The following ELP4 variants were observed in gnomAD, a reference collection of about 807,000 sequenced individuals.
ELP4 encodes the protein elongator complex protein 4.
ELP4 carries 51 observed loss-of-function variants against 48.9 expected under a neutral mutation model. That is an observed-to-expected ratio of 1.04 (90% CI 0.83 to 1.32). ELP4 has a LOEUF of 1.32. ELP4 is among the 40% of genes most tolerant of loss of function. The pLI is 0.00. For missense variants in ELP4, 519 were observed against 514.6 expected, an observed-to-expected ratio of 1.01 and a Z score of -0.08; for synonymous variants, 210 against 189.2, an observed-to-expected ratio of 1.11 and a Z score of -0.90.
intron 3 of ELP4, among the ~76,000 whole-genome samples, chr11:31,562,907 A>G (rs1957044904): frequency 6.6e-6 from 1 of 152,162 alleles, no homozygotes; most frequent in Admixed American, 6.6e-5. Flanking sequence ...TTCAATGAAG[A>G]TAATACAGGG....
chr11:31,513,578 T>C (rs1378675903), intron 1 of ELP4, among the ~76,000 whole-genome samples: 1 of 152,184 alleles, frequency 6.6e-6, no homozygotes, highest in African/African-American at 2.4e-5. Context: ...TTCTTGACTT[T>C]CATTTCTTTT....
intron 3 of ELP4, 33 bp from the exon 4 acceptor site, chr11:31,594,737 G>A (rs1957644045): frequency 7.0e-7 from 1 of 1,427,934 alleles, no homozygotes. Flanking sequence ...TTTTACCACA[G>A]AATCTCAATT....
intron 9 of ELP4, among the ~76,000 whole-genome samples, chr11:31,746,942 G>T (rs2134231820): frequency 6.6e-6 from 1 of 151,906 alleles, no homozygotes; most frequent in African/African-American, 2.4e-5. Context: ...AACAAATTAG[G>T]ACTTTTAGTG....
intron 9 of ELP4, among the ~76,000 whole-genome samples, chr11:31,689,646 T>G (rs550879299): frequency 6.6e-6 from 1 of 152,216 alleles, no homozygotes; most frequent in South Asian, 2.1e-4. Flanking sequence ...CTGTGGCCAC[T>G]GACTTCCCAT....
chr11:31,539,661 G>A lies in ELP4; in HGVS notation c.260-1G>A, dbSNP rs962577321. 6.3e-7 allele frequency: 1 copy of A among 1,597,650 alleles called. No homozygotes were observed. Among genetic ancestry groups the A allele is most frequent in the Admixed American group, 1.7e-5 (1 of 57,388 alleles). On this transcript the variant is annotated splice_acceptor_variant, in intron 2 of 9. Coordinates refer to ENST00000640961, the MANE Select transcript of ELP4 (RefSeq NM_019040.5). LOFTEE classifies it high-confidence loss of function. ...CTAACTGCAACTTTTCCTTTTTACA[G>A]AGGAGGATAAATATAATATTTACTC...
intron 9 of ELP4, among the ~76,000 whole-genome samples, chr11:31,655,492 T>C (rs1026167357): frequency 5.3e-5 from 8 of 151,974 alleles, no homozygotes; most frequent in Non-Finnish European, 4.4e-5. Context: ...AGCAAACAAT[T>C]TGATTAGATC....
chr11:31,665,147 T>C (rs919909403), intron 9 of ELP4, among the ~76,000 whole-genome samples: 3 of 152,162 alleles, frequency 2.0e-5, no homozygotes, highest in Non-Finnish European at 4.4e-5. Context: ...CATGATTGCA[T>C]ACCACTAATC....
chr11:31,564,960 C>T (rs1957083905), intron 3 of ELP4, among the ~76,000 whole-genome samples: 2 of 152,172 alleles, frequency 1.3e-5, no homozygotes, highest in African/African-American at 4.8e-5. Flanking sequence ...ACACTGTCTT[C>T]CACAATGGTT....
chr11:31,735,955 C>T (rs1947306057), intron 9 of ELP4, among the ~76,000 whole-genome samples: 1 of 152,112 alleles, frequency 6.6e-6, no homozygotes. Context: ...TGACTTTCTT[C>T]ACAGAATTGG....
intron 1 of ELP4, among the ~76,000 whole-genome samples, chr11:31,518,219 GC>G (rs1488700188): frequency 1.3e-5 from 2 of 150,988 alleles, no homozygotes; most frequent in African/African-American, 4.9e-5. Flanking sequence ...CGATTCTCCT[GC>G]CTCAGCCTCC....
chr11:31,747,588 T>C (rs1463421497), intron 9 of ELP4, among the ~76,000 whole-genome samples: 1 of 152,182 alleles, frequency 6.6e-6, no homozygotes, highest in Non-Finnish European at 1.5e-5. Flanking sequence ...GGGCAACCTG[T>C]GGTCACCCAA....
At chr11:31,595,151 AGAGT>A (rs1197034635) in intron 4 of ELP4, among the ~76,000 whole-genome samples, 10 of 152,170 alleles carry the variant, frequency 6.6e-5, no homozygotes, top group Non-Finnish European at 1.5e-4. Context: ...GTTGCAAGAC[AGAGT>A]AAGTGAACTA....
intron 3 of ELP4, among the ~76,000 whole-genome samples, chr11:31,559,935 T>C (rs1431655425): frequency 1.3e-5 from 2 of 151,372 alleles, no homozygotes; most frequent in East Asian, 3.9e-4. Context: ...AAATCAGTTT[T>C]GTTGTTTTGT....
At chr11:31,634,637 T>C (rs890849120) in intron 7 of ELP4, among the ~76,000 whole-genome samples, 2 of 107,068 alleles carry the variant, frequency 1.9e-5, no homozygotes, top group African/African-American at 7.4e-5. Flanking sequence ...TCTAGATAAC[T>C]GATTAAATAA....
intron 3 of ELP4, among the ~76,000 whole-genome samples, chr11:31,594,493 A>G (rs1352515612): frequency 6.6e-6 from 1 of 152,160 alleles, no homozygotes; most frequent in Non-Finnish European, 1.5e-5. Flanking sequence ...AATTGAGTAT[A>G]ACCTCTTGTT....
At chr11:31,572,057 A>G (rs998719396) in intron 3 of ELP4, among the ~76,000 whole-genome samples, 1 of 152,226 alleles carries the variant, frequency 6.6e-6, no homozygotes, top group African/African-American at 2.4e-5. Context: ...GGAGCTAGGC[A>G]TTGACTTCTC....
chr11:31,575,098 A>G (rs996514892), intron 3 of ELP4, among the ~76,000 whole-genome samples: 6 of 152,218 alleles, frequency 3.9e-5, no homozygotes, highest in African/African-American at 1.4e-4. Flanking sequence ...TCCTTAAATG[A>G]CCTGATGGAA....
chr11:31,734,411 A>T (rs997739190), intron 9 of ELP4, among the ~76,000 whole-genome samples: 1 of 152,218 alleles, frequency 6.6e-6, no homozygotes, highest in Admixed American at 6.5e-5. Context: ...TCAGAAAGGA[A>T]GAAGCAAAAT....
At chr11:31,653,535 G>A (rs1286733069) in intron 9 of ELP4, 1 of 151,614 alleles carries the variant, frequency 6.6e-6, no homozygotes, top group African/African-American at 2.4e-5. Context: ...TTAAACAAAA[G>A]CTTTACTAAG....
Sources: gnomAD v4.1 joint callset for allele counts (sites outside exome capture counted in the v4.1 genomes callset) on GRCh38, gnomAD v4.1.1 for gene constraint, MANE v1.5 for transcripts, NCBI Gene and HGNC (gene_info 2026-07-23, HGNC 2026-07-21) for gene names.